The following ARMH4 variants were observed in gnomAD, a reference collection of about 807,000 sequenced individuals.
The protein encoded by ARMH4 is armadillo-like helical domain-containing protein 4.
ARMH4 carries 49 observed loss-of-function variants against 61.9 expected under a neutral mutation model. The observed-to-expected ratio is 0.79, with a 90% CI of 0.63 to 1.00. ARMH4 has a LOEUF of 1.00. Among genes scored for constraint, ARMH4 ranks in the 50% least tolerant of loss-of-function variants. ARMH4 has a pLI of 0.00. For missense variants in ARMH4, 934 were observed against 930.0 expected, an observed-to-expected ratio of 1.00 and a Z score of -0.06; for synonymous variants, 368 against 341.5, an observed-to-expected ratio of 1.08 and a Z score of -0.85.
In ARMH4 at chr14:58,114,715, T is replaced by G. The variant is rs114749851; in HGVS notation, c.1831+16797A>C. On this transcript the variant is annotated intron_variant, in intron 4 of 7. Coordinates refer to ENST00000267485, the MANE Select transcript of ARMH4 (RefSeq NM_001001872.4). ...AAGAGAATCTGTAATCTGGGTATATTTTAAAATTAGATCAAATCTGAAATG... is the reference window on the plus strand; with the variant it reads ...AAGAGAATCTGTAATCTGGGTATATGTTAAAATTAGATCAAATCTGAAATG... Among the ~76,000 whole-genome samples the G allele has an allele frequency of 9.5e-3, 1,451 of 152,240 alleles. 30 individuals are homozygous for G. Among genetic ancestry groups the G allele is most frequent in the African/African-American group, 0.033 (1,371 of 41,534 alleles).
chr14:58,078,746 C>T (rs1056264157), intron 5 of ARMH4, among the ~76,000 whole-genome samples: 5 of 152,218 alleles, frequency 3.3e-5, no homozygotes, highest in African/African-American at 9.6e-5. Context: ...AACAAGTAGG[C>T]ATGGCTGTGT....
intron 5 of ARMH4, among the ~76,000 whole-genome samples, chr14:58,060,502 G>A (rs1884493871): frequency 6.6e-6 from 1 of 152,186 alleles, no homozygotes. Flanking sequence ...ATGGTACTCT[G>A]AAACTGTGGT....
intron 7 of ARMH4, 70 bp from the exon 8 acceptor site, chr14:58,004,874 T>A (rs1229785108): frequency 6.5e-7 from 1 of 1,547,426 alleles, no homozygotes; most frequent in Non-Finnish European, 8.9e-7. Flanking sequence ...CAGGCCCACT[T>A]TAAAAGACAT....
In ARMH4 at chr14:58,139,146, A is replaced by G; in HGVS notation, c.213T>C (p.Ser71=). The change falls in exon 2 of 8, where the codon TCT becomes TCC. Residue 71 remains serine, a synonymous_variant. Transcript: ENST00000267485. ...CTGCTGACATCATCATTGGATCTTC[A>G]GAGACCACCAGTTGGGGAGTCTGCT... is the stretch of plus-strand genomic sequence containing the variant. The part of the protein sequence containing the change: ...TSKQTPQLVV[S]EDPMMMSAVP... The G allele has an allele frequency of 1.9e-6, 3 of 1,614,224 alleles. No individual in the cohort carries two copies. Among genetic ancestry groups the G allele is most frequent in the African/African-American group, 1.3e-5 (1 of 75,056 alleles).
In ARMH4 at chr14:58,139,000, G is replaced by A. The variant is rs761131916; in HGVS notation, c.359C>T (p.Pro120Leu). ...GVSTPTESGV[P>L]SAEEVFGSSQ... ...GGAACCAAATACTTCTTCAGCTGAGGGGACACCTGACTCAGTAGGTGTGGA... is the reference window on the plus strand; with the variant it reads ...GGAACCAAATACTTCTTCAGCTGAGAGGACACCTGACTCAGTAGGTGTGGA... Residue 120 changes from proline (P) to leucine (L), a missense_variant, in exon 2 of 8, where the codon CCC (proline) becomes CTC (leucine). Coordinates refer to ENST00000267485, the MANE Select transcript of ARMH4 (RefSeq NM_001001872.4). The A allele has an allele frequency of 6.2e-7, 1 of 1,614,184 alleles. No individual in the cohort carries two copies. Among genetic ancestry groups the A allele is most frequent in the Non-Finnish European group, 8.5e-7 (1 of 1,180,034 alleles).
intron 6 of ARMH4, among the ~76,000 whole-genome samples, chr14:58,005,527 G>T (rs1594682494): frequency 6.6e-6 from 1 of 152,146 alleles, no homozygotes; most frequent in South Asian, 2.1e-4. Flanking sequence ...CTCTGAGAAT[G>T]CCAGGACTAC....
chr14:58,124,289 T>C (rs774212965), intron 4 of ARMH4, among the ~76,000 whole-genome samples: 9 of 152,156 alleles, frequency 5.9e-5, no homozygotes, highest in South Asian at 2.1e-4. Context: ...CTTTTCTTTA[T>C]ATGTCATAGA....
At chr14:58,034,022 GC>G (rs1038631474) in intron 5 of ARMH4, among the ~76,000 whole-genome samples, 1 of 115,382 alleles carries the variant, frequency 8.7e-6, no homozygotes, top group Non-Finnish European at 1.9e-5. Context: ...AGCAAGGCAG[GC>G]CAACGTTCAG....
intron 5 of ARMH4, among the ~76,000 whole-genome samples, chr14:58,047,051 T>G (rs1365131856): frequency 6.6e-6 from 1 of 152,190 alleles, no homozygotes; most frequent in Non-Finnish European, 1.5e-5. Context: ...TCAGATTACA[T>G]GTACTGGAAG....
intron 1 of ARMH4, among the ~76,000 whole-genome samples, chr14:58,148,783 TCTAA>T (rs1887828981): frequency 6.6e-6 from 1 of 152,240 alleles, no homozygotes; most frequent in South Asian, 2.1e-4. Context: ...TAACTGTCAC[TCTAA>T]CAATAACAAT....
chr14:58,013,453 T>G (rs1315173239), intron 5 of ARMH4, among the ~76,000 whole-genome samples: 2 of 152,208 alleles, frequency 1.3e-5, no homozygotes, highest in Non-Finnish European at 2.9e-5. Flanking sequence ...TGCAGCAGGC[T>G]ACATATGGGC....
chr14:58,065,930 G>A (rs1884686507), intron 5 of ARMH4, among the ~76,000 whole-genome samples: 1 of 152,216 alleles, frequency 6.6e-6, no homozygotes, highest in African/African-American at 2.4e-5. Context: ...CAGTCTTACA[G>A]CTGTCAAGAT....
At chr14:58,136,507 G>A (rs1887306010) in intron 2 of ARMH4, among the ~76,000 whole-genome samples, 2 of 152,094 alleles carry the variant, frequency 1.3e-5, no homozygotes, top group Non-Finnish European at 2.9e-5. Flanking sequence ...ACAGCACACT[G>A]GGTCTTTAAA....
intron 2 of ARMH4, 24 bp downstream of exon 2, chr14:58,137,962 AGTTT>A (rs762919140): frequency 1.3e-4 from 211 of 1,565,754 alleles, no homozygotes; most frequent in Non-Finnish European, 1.7e-4. Flanking sequence ...ATTAAACCAA[AGTTT>A]GTTTTTCTTT....
intron 5 of ARMH4, among the ~76,000 whole-genome samples, chr14:58,048,582 G>C (rs1285158679): frequency 6.6e-6 from 1 of 152,132 alleles, no homozygotes; most frequent in African/African-American, 2.4e-5. Context: ...TCTGCTTCTG[G>C]AGAGAACTTG....
At chr14:58,144,769 G>A (rs1282389409) in intron 1 of ARMH4, among the ~76,000 whole-genome samples, 4 of 152,274 alleles carry the variant, frequency 2.6e-5, no homozygotes, top group Admixed American at 2.0e-4. Flanking sequence ...TCGGGAGGCT[G>A]AGGCAGGAGA....
At chr14:58,032,878 C>T (rs891825341) in intron 5 of ARMH4, among the ~76,000 whole-genome samples, 3 of 152,116 alleles carry the variant, frequency 2.0e-5, no homozygotes, top group Non-Finnish European at 4.4e-5. Context: ...AGACTATATA[C>T]CACACCTGGC....
chr14:58,147,319 T>C lies in ARMH4; in HGVS notation c.-57+4756A>G, dbSNP rs993762112. Among the ~76,000 whole-genome samples, 94 of 134,796 alleles carry C rather than the reference T, an allele frequency of 7.0e-4. 1 individual carries two copies. Among genetic ancestry groups the C allele is most frequent in the African/African-American group, 2.4e-3 (90 of 37,852 alleles). 88.4% of individuals were successfully genotyped at this position (134,796 alleles called of 152,430 possible). On this transcript the variant is annotated intron_variant, in intron 1 of 7. Transcript: ENST00000267485. ...TCTATTTTATACAATCCAGATGGTT[T>C]TTTTTTTTTTTTTTGATAGGAAGTC...
At chr14:58,016,820 A>T (rs1882632274) in intron 5 of ARMH4, among the ~76,000 whole-genome samples, 1 of 152,224 alleles carries the variant, frequency 6.6e-6, no homozygotes, top group African/African-American at 2.4e-5. Context: ...GTACACAGAA[A>T]AGAAAGTAGG....
Sources: allele counts gnomAD v4.1 joint callset (sites outside exome capture counted in the v4.1 genomes callset), GRCh38; gene constraint gnomAD v4.1.1; transcripts MANE v1.5; gene names NCBI Gene and HGNC (gene_info 2026-07-23, HGNC 2026-07-21).